The following OTOGL variants were observed in gnomAD, a reference collection of about 807,000 sequenced individuals.
OTOGL encodes the protein otogelin like, also known as otogelin-like protein.
OTOGL carries 285 observed loss-of-function variants against 318.5 expected under a neutral mutation model. That is an observed-to-expected ratio of 0.89 (90% CI 0.81 to 0.99). OTOGL has a LOEUF of 0.99. OTOGL is among the 50% of genes least tolerant of loss of function. The pLI is 0.00. For missense variants in OTOGL, 2,899 were observed against 2,845.6 expected (o/e 1.02, Z -0.43); for synonymous variants, 987 against 936.5 (o/e 1.05, Z -0.99).
chr12:80,249,126 C>T (rs901409605), intron 11 of OTOGL, among the ~76,000 whole-genome samples: 1 of 146,590 alleles, frequency 6.8e-6, no homozygotes, highest in Non-Finnish European at 1.5e-5. Context: ...TCCCGTAGCT[C>T]AGAGTAATTT....
chr12:80,355,224 C>CTTTCTTTTTTTTTTTT (rs1889799791), intron 46 of OTOGL, among the ~76,000 whole-genome samples: 4 of 65,598 alleles, frequency 6.1e-5, no homozygotes, highest in African/African-American at 1.2e-4. Flanking sequence ...TTCTTTCTTT[C>CTTTCTTTTTTTTTTTT]TTTTCTTTTT....
chr12:80,355,235 T>C (rs1368332595), intron 46 of OTOGL, among the ~76,000 whole-genome samples: 1 of 144,346 alleles, frequency 6.9e-6, no homozygotes. Context: ...TTTTCTTTTT[T>C]TTTTTTTTTT....
chr12:80,310,876 T>G, intron 30 of OTOGL, 149 bp downstream of exon 30: 1 of 589,158 alleles, frequency 1.7e-6, no homozygotes, highest in Non-Finnish European at 2.9e-6. Flanking sequence ...TGTTAGTTTG[T>G]TTTTCTGTAG....
intron 8 of OTOGL, among the ~76,000 whole-genome samples, chr12:80,230,122 T>C (rs921108118): frequency 9.9e-5 from 15 of 152,034 alleles, no homozygotes; most frequent in Non-Finnish European, 1.5e-5. Context: ...AATTGTGGGC[T>C]GGAACAATTC....
chr12:80,149,908 C>T lies in OTOGL; in HGVS notation c.-20+50303C>T, dbSNP rs891386071. 6.6e-5 allele frequency among the ~76,000 whole-genome samples: 10 copies of T among 152,256 alleles called. 1 individual carries two copies. The highest frequency in any genetic ancestry group is 6.8e-3 in the Middle Eastern group (2 of 294). On this transcript the variant is annotated intron_variant, in intron 1 of 58. Transcript: ENST00000547103. ...AGTGAGGCAATGCCTCACCCTGCTT[C>T]GGCTCATGCACGGTGCGCGCACCCA... is the stretch of plus-strand genomic sequence containing the variant.
intron 20 of OTOGL, chr12:80,265,766 A>G (rs1882909682): frequency 6.5e-6 from 1 of 154,902 alleles, no homozygotes; most frequent in Non-Finnish European, 1.4e-5. Context: ...TGGGGGTACC[A>G]CTCTCTCCAC....
In OTOGL at chr12:80,219,920, T is replaced by A. The variant is rs1244588879; in HGVS notation, c.334+8T>A. ...GGACAAGATGCCAGATCAGTAAGTT[T>A]CAGGGATGCTTGTGAGATAATTATG... On this transcript the variant is annotated splice_region_variant and intron_variant, in intron 6 of 58. Transcript: ENST00000547103. 24 of 1,527,878 alleles carry A rather than the reference T, an allele frequency of 1.6e-5. No homozygotes were observed. The highest frequency in any genetic ancestry group is 2.1e-5 in the Non-Finnish European group (24 of 1,118,894). 94.6% of individuals were successfully genotyped at this position (1,527,878 alleles called of 1,614,324 possible). A position where few individuals can be genotyped will look rare whatever the true frequency, so the allele number is the denominator to read the frequency against.
chr12:80,170,851 A>G (rs1011249852), intron 1 of OTOGL, among the ~76,000 whole-genome samples: 8 of 152,166 alleles, frequency 5.3e-5, no homozygotes, highest in Non-Finnish European at 1.2e-4. Context: ...AGTGTTTTTT[A>G]TAGAACAAAA....
chr12:80,347,427 A>G (rs564872779), intron 44 of OTOGL, among the ~76,000 whole-genome samples: 1 of 152,304 alleles, frequency 6.6e-6, no homozygotes, highest in African/African-American at 2.4e-5. Flanking sequence ...TTTGCTGAGA[A>G]TGATTGTTTC....
intron 1 of OTOGL, among the ~76,000 whole-genome samples, chr12:80,107,411 T>C (rs749845632): frequency 1.3e-5 from 2 of 152,026 alleles, no homozygotes; most frequent in Non-Finnish European, 2.9e-5. Flanking sequence ...TTGGCTATTA[T>C]TAAAGTGAAA....
At chr12:80,361,728 C>A (rs1254120324) in intron 52 of OTOGL, among the ~76,000 whole-genome samples, 1 of 152,110 alleles carries the variant, frequency 6.6e-6, no homozygotes, top group African/African-American at 2.4e-5. Context: ...TCCCTGATTA[C>A]TAATATTAAG....
At chr12:80,336,230 C>A in intron 39 of OTOGL, 90 bp downstream of exon 39, 4 of 1,376,198 alleles carry the variant, frequency 2.9e-6, no homozygotes, top group Non-Finnish European at 3.8e-6. Context: ...CCTCATCAAG[C>A]CAAAGTTACT....
intron 1 of OTOGL, among the ~76,000 whole-genome samples, chr12:80,201,038 G>A (rs754595843): frequency 1.2e-4 from 18 of 152,126 alleles, no homozygotes; most frequent in Non-Finnish European, 2.5e-4. Context: ...GTGCCCCTTT[G>A]CCTACAGAGA....
chr12:80,322,542 A>G (rs1480119803), intron 34 of OTOGL, among the ~76,000 whole-genome samples: 3 of 152,210 alleles, frequency 2.0e-5, no homozygotes, highest in Non-Finnish European at 4.4e-5. Context: ...CTTTCCAAAA[A>G]GACTTATTTT....
At chr12:80,294,770 T>G (rs982563754) in intron 26 of OTOGL, among the ~76,000 whole-genome samples, 1 of 152,156 alleles carries the variant, frequency 6.6e-6, no homozygotes, top group Admixed American at 6.5e-5. Context: ...TGTGAAAAAC[T>G]AAGTGTGAAG....
At chr12:80,232,156 T>C (rs971159004) in intron 8 of OTOGL, among the ~76,000 whole-genome samples, 4 of 152,212 alleles carry the variant, frequency 2.6e-5, no homozygotes, top group African/African-American at 9.6e-5. Flanking sequence ...AATTAGACTT[T>C]GTATCAGGAG....
chr12:80,324,384 T>A (rs1270512582), intron 35 of OTOGL, among the ~76,000 whole-genome samples: 1 of 152,148 alleles, frequency 6.6e-6, no homozygotes. Flanking sequence ...GTTTGGTGTG[T>A]TCGAGGATCA....
At position 80,222,046 on chromosome 12, in the gene OTOGL, G is replaced by A. The variant is rs762304481; in HGVS notation, c.335-45G>A. The A allele has an allele frequency of 2.0e-5, 31 of 1,533,866 alleles. 1 individual carries two copies. Among genetic ancestry groups the A allele is most frequent in the South Asian group, 7.1e-5 (6 of 84,502 alleles). On this transcript the variant is annotated intron_variant, in intron 6 of 58. Coordinates refer to ENST00000547103, the MANE Select transcript of OTOGL (RefSeq NM_001378609.3). ...TGACTGACTGAACATTGCTAGAAAC[G>A]TGTAATTTATTTTGCCTACAAAATA... is the stretch of plus-strand genomic sequence containing the variant.
intron 26 of OTOGL, among the ~76,000 whole-genome samples, chr12:80,291,036 G>A (rs1885009292): frequency 6.6e-6 from 1 of 152,102 alleles, no homozygotes; most frequent in Admixed American, 6.6e-5. Flanking sequence ...TTTTAGTAGA[G>A]AAAATGTAGC....
Sources: allele counts gnomAD v4.1 joint callset (sites outside exome capture counted in the v4.1 genomes callset), GRCh38; gene constraint gnomAD v4.1.1; transcripts MANE v1.5; gene names NCBI Gene and HGNC (gene_info 2026-07-23, HGNC 2026-07-21).